The following COQ6 variants were observed in gnomAD, a reference collection of about 807,000 sequenced individuals.
COQ6 encodes ubiquinone biosynthesis monooxygenase COQ6, mitochondrial.
Under a neutral mutation model 55.5 loss-of-function variants are expected in COQ6, and 45 were observed. The observed-to-expected ratio is 0.81, with a 90% confidence interval of 0.64 to 1.04. The LOEUF is 1.04. Ranked by LOEUF, COQ6 falls within the 50% of genes least tolerant of loss-of-function variation. The probability of loss-of-function intolerance (pLI) is 0.00; values close to 1 mark genes in which losing one functional copy is unlikely to be tolerated. For missense variants in COQ6, 550 were observed against 601.3 expected (o/e 0.91, Z 0.89); for synonymous variants, 206 against 230.5 (o/e 0.89, Z 0.96).
upstream of COQ6, chr14:73,949,948 G>A: frequency 2.5e-6 from 4 of 1,612,384 alleles, no homozygotes; most frequent in Non-Finnish European, 2.5e-6. Context: ...TCCTTTCCCG[G>A]GGGCAGTCTC....
chr14:73,962,095 C>A lies in COQ6; in HGVS notation c.1377+192C>A, dbSNP rs1245525717. On this transcript the variant is annotated intron_variant, in intron 11 of 11. Transcript: ENST00000334571. ...CCCAAGTAGCTGGGATTACAGGCGC[C>A]CACCACCACACCCGGCTAATTTTCT... Among the ~76,000 whole-genome samples the A allele has an allele frequency of 4.0e-5, 6 of 151,816 alleles. 1 individual carries two copies. The South Asian group carries it at 1.2e-3, about 32-fold the overall frequency.
At chr14:73,958,868 A>G in intron 5 of COQ6, 103 bp from the exon 6 acceptor site, 2 of 1,556,572 alleles carry the variant, frequency 1.3e-6, no homozygotes, top group Admixed American at 1.9e-5. Flanking sequence ...TTATCCTGCC[A>G]CACAACAATC....
upstream of COQ6, chr14:73,950,243 G>A (rs772040794): frequency 1.3e-6 from 2 of 1,538,400 alleles, no homozygotes; most frequent in South Asian, 1.2e-5. Context: ...GGACGCCGCG[G>A]AAGCGGGACG....
chr14:73,961,761 A>G lies in COQ6; in HGVS notation c.1235A>G (p.Tyr412Cys), dbSNP rs374270071. 8.1e-6 allele frequency: 13 copies of G among 1,614,060 alleles called. No individual in the cohort carries two copies. The highest frequency in any genetic ancestry group is 1.0e-5 in the Non-Finnish European group (12 of 1,180,036). ...GGTTCCGTGAGCCACCTCACAGGTT[A>G]TGAAACAGAAAGACAGCGTCACAAC... ...DLGSVSHLTGYETERQRHNTA... is the reference protein window; with the variant it reads ...DLGSVSHLTGCETERQRHNTA... Residue 412 changes from tyrosine (Y) to cysteine (C), a missense_variant, in exon 11 of 12, where the codon TAT (tyrosine) becomes TGT (cysteine). Coordinates refer to ENST00000334571, the MANE Select transcript of COQ6 (RefSeq NM_182476.3).
At chr14:73,950,538 C>A (rs764791773) in intron 1 of COQ6, 43 bp downstream of exon 1, 1 of 1,566,120 alleles carries the variant, frequency 6.4e-7, no homozygotes, top group Admixed American at 1.8e-5. Context: ...AACCGGGCCG[C>A]GGAGGCACGA....
chr14:73,962,336 T>C (rs1481113361), intron 11 of COQ6, among the ~76,000 whole-genome samples: 1 of 151,944 alleles, frequency 6.6e-6, no homozygotes, highest in Non-Finnish European at 1.5e-5. Context: ...AGCAGAAGAG[T>C]ACTTGCTAGG....
In COQ6 at chr14:73,958,476, G is replaced by A. The variant is rs745889170; in HGVS notation, c.612+199G>A. 2.3e-5 allele frequency: 33 copies of A among 1,412,632 alleles called. No individual in the cohort carries two copies. In the Admixed American group the frequency reaches 4.0e-4, roughly 17 times the overall value. 87.5% of individuals were successfully genotyped at this position (1,412,632 alleles called of 1,614,324 possible). A position where few individuals can be genotyped will look rare whatever the true frequency, so the allele number is the denominator to read the frequency against. On this transcript the variant is annotated intron_variant, in intron 5 of 11. Transcript: ENST00000334571. ...TGTACAGGGAGCAATCTCATGGGCC[G>A]TCTTAGGTTGTGAAATAACAGATAG... is the stretch of plus-strand genomic sequence containing the variant.
chr14:73,958,659 C>G, intron 5 of COQ6: 1 of 1,308,674 alleles, frequency 7.6e-7, no homozygotes, highest in Non-Finnish European at 9.8e-7. Context: ...TACATCAGAA[C>G]TATTCAGCTC....
chr14:73,949,956 C>G, upstream of COQ6: 1 of 1,613,252 alleles, frequency 6.2e-7, no homozygotes, highest in Non-Finnish European at 8.5e-7. Flanking sequence ...CGGGGGCAGT[C>G]TCTTTTCTCT....
intron 2 of COQ6, among the ~76,000 whole-genome samples, chr14:73,955,154 G>A (rs1451665217): frequency 2.6e-5 from 4 of 151,576 alleles, no homozygotes; most frequent in Admixed American, 6.6e-5. Context: ...GAGGTTTCAC[G>A]GTGTTAGCCA....
chr14:73,953,789 C>G (rs2056293600), intron 2 of COQ6: 1 of 614,886 alleles, frequency 1.6e-6, no homozygotes, highest in African/African-American at 1.8e-5. Context: ...ATCCTTGAGG[C>G]ATGTGGGTCC....
chr14:73,958,988 C>T lies in COQ6; in HGVS notation c.630C>T (p.His210=), dbSNP rs533915135. ...QTKLLIGADG[H]NSGVRQAVGI... ...CCATGCAGATAGGTGCAGATGGTCA[C>T]AACTCCGGAGTACGGCAGGCTGTTG... Residue 210 remains histidine (H), a synonymous_variant, in exon 6 of 12, where the codon CAC becomes CAT. Coordinates refer to ENST00000334571, the MANE Select transcript of COQ6 (RefSeq NM_182476.3). The T allele has an allele frequency of 1.2e-6, 2 of 1,614,036 alleles. No homozygotes were observed. The highest frequency in any genetic ancestry group is 2.2e-5 in the South Asian group (2 of 91,068).
In COQ6 at chr14:73,950,355, G is replaced by A; in HGVS notation, c.23G>A (p.Arg8Gln). 6.4e-7 allele frequency: 1 copy of A among 1,556,528 alleles called. No homozygotes were observed. The highest frequency in any genetic ancestry group is 1.4e-5 in the African/African-American group (1 of 73,606). The change falls in exon 1 of 12, where the codon CGA becomes CAA. Residue 8 changes from arginine to glutamine, a missense_variant. Transcript: ENST00000334571. MAARLVS[R>Q]CGAVRAAPHS... ...ACCATGGCGGCCCGGCTTGTCAGCC[G>A]ATGCGGGGCTGTGCGTGCAGCTCCC...
In COQ6 at chr14:73,950,344, G is replaced by C. The variant is rs1236556350; in HGVS notation, c.12G>C (p.Arg4=). MAA[R]LVSRCGAVRA... ...CGCAGGTCTGCACCATGGCGGCCCG[G>C]CTTGTCAGCCGATGCGGGGCTGTGC... is the stretch of plus-strand genomic sequence containing the variant. The change falls in exon 1 of 12, where the codon CGG becomes CGC. Residue 4 remains arginine (R), a synonymous_variant. Coordinates refer to ENST00000334571, the MANE Select transcript of COQ6 (RefSeq NM_182476.3). 5.8e-6 allele frequency: 9 copies of C among 1,553,294 alleles called. No individual in the cohort carries two copies. In the Admixed American group the frequency reaches 1.7e-4, roughly 30 times the overall value.
intron 8 of COQ6, chr14:73,959,775 G>A: frequency 8.5e-7 from 1 of 1,178,560 alleles, no homozygotes. Flanking sequence ...TCACCATGTT[G>A]GCCAGGCTGG....
rs536373245 is a variant in COQ6, at chr14:73,955,259, G to A, written c.299-192G>A. On this transcript the variant is annotated intron_variant, in intron 2 of 11. Transcript: ENST00000334571. ...TGAGCCACCGCGCCCGGCAGAAGCT[G>A]GGTCTTTTTTCATGCTATACAACCT... 107 of 638,810 alleles carry A rather than the reference G, an allele frequency of 1.7e-4. 2 individuals carry two copies. In the South Asian group the frequency reaches 1.9e-3, roughly 11 times the overall value. 39.6% of individuals were successfully genotyped at this position (638,810 alleles called of 1,614,324 possible).
chr14:73,961,284 G>T lies in COQ6; in HGVS notation c.1003G>T (p.Val335Leu), dbSNP rs147444011. 1.9e-6 allele frequency: 3 copies of T among 1,614,162 alleles called. No individual in the cohort carries two copies. Among genetic ancestry groups the T allele is most frequent in the Non-Finnish European group, 2.5e-6 (3 of 1,180,042 alleles). The part of the protein sequence containing the change: ...KVSARQLPPS[V>L]ARVDAKSRVL... ...CTCGGCTCGCCAGCTGCCCCCAAGC[G>T]TAGCCAGGGTGGATGCCAAAAGCCG... The change falls in exon 9 of 12, where the codon GTA becomes TTA. Residue 335 changes from valine (V) to leucine (L), a missense_variant. Transcript: ENST00000334571.
At chr14:73,958,705 T>C in intron 5 of COQ6, 2 of 1,373,122 alleles carry the variant, frequency 1.5e-6, no homozygotes, top group Non-Finnish European at 1.9e-6. Context: ...TCCTTATTGC[T>C]CTCTAGTTCA....
Position 73,959,411 on chromosome 14 carries a change from AC to A in COQ6, c.784-3del, listed in dbSNP as rs772662269. On this transcript the variant is annotated splice_region_variant and splice_polypyrimidine_tract_variant and intron_variant, in intron 7 of 11. Transcript: ENST00000334571. Reference sequence around the variant, plus strand: ...CCGTTGGTATTGGTGTTCTTTTGACACAGCTCTCAGACACCTTGAGTTCCTT... The same window carrying A: ...CCGTTGGTATTGGTGTTCTTTTGACAAGCTCTCAGACACCTTGAGTTCCTT... The A allele has an allele frequency of 1.2e-6, 2 of 1,614,170 alleles. No homozygotes were observed. Among genetic ancestry groups the A allele is most frequent in the Admixed American group, 3.3e-5 (2 of 60,034 alleles).
Sources: gnomAD v4.1 joint callset for allele counts (sites outside exome capture counted in the v4.1 genomes callset) on GRCh38, gnomAD v4.1.1 for gene constraint, MANE v1.5 for transcripts, NCBI Gene and HGNC (gene_info 2026-07-23, HGNC 2026-07-21) for gene names.